The following PLPPR4 variants were observed in gnomAD, a reference collection of about 807,000 sequenced individuals.
PLPPR4 encodes phospholipid phosphatase-related protein type 4.
A neutral mutation model predicts 56.6 loss-of-function variants in PLPPR4; 24 were observed. The ratio of observed to expected loss-of-function variants is 0.42; its 90% CI spans 0.31 to 0.60. The LOEUF is 0.60. Ranked by LOEUF, PLPPR4 falls within the 20% of genes least tolerant of loss-of-function variation. The pLI is 0.13. For missense variants in PLPPR4, 654 were observed against 885.8 expected (o/e 0.74, Z 3.32); for synonymous variants, 326 against 328.1 (o/e 0.99, Z 0.07).
intron 1 of PLPPR4, among the ~76,000 whole-genome samples, chr1:99,272,667 G>T (rs981956679): frequency 1.3e-5 from 2 of 152,082 alleles, no homozygotes; most frequent in African/African-American, 2.4e-5. Context: ...TTGCCTAAGT[G>T]CCCACCTGTA....
At chr1:99,283,637 C>A (rs561110213) in intron 1 of PLPPR4, among the ~76,000 whole-genome samples, 1 of 152,230 alleles carries the variant, frequency 6.6e-6, no homozygotes, top group South Asian at 2.1e-4. Flanking sequence ...AATTTCCCTC[C>A]GCTCTATTGC....
chr1:99,299,940 T>G (rs941585753), intron 4 of PLPPR4, among the ~76,000 whole-genome samples: 1 of 152,050 alleles, frequency 6.6e-6, no homozygotes. Flanking sequence ...GGCCAATCAA[T>G]TATTGAAAGA....
chr1:99,283,175 G>A (rs1659373363), intron 1 of PLPPR4, among the ~76,000 whole-genome samples: 1 of 151,962 alleles, frequency 6.6e-6, no homozygotes, highest in African/African-American at 2.4e-5. Flanking sequence ...CCAATACCAT[G>A]CATATAAATT....
chr1:99,280,351 C>A (rs766743785), intron 1 of PLPPR4, among the ~76,000 whole-genome samples: 5 of 152,060 alleles, frequency 3.3e-5, no homozygotes, highest in Non-Finnish European at 7.4e-5. Context: ...TTGAATATAG[C>A]GATCTTTTAA....
intron 4 of PLPPR4, among the ~76,000 whole-genome samples, chr1:99,299,573 T>A (rs750843941): frequency 6.6e-6 from 1 of 152,100 alleles, no homozygotes; most frequent in Non-Finnish European, 1.5e-5. Context: ...GCAGTCAATA[T>A]AACTCTTGTA....
At chr1:99,294,943 A>G (rs1031522089) in intron 2 of PLPPR4, among the ~76,000 whole-genome samples, 3 of 152,196 alleles carry the variant, frequency 2.0e-5, no homozygotes, top group African/African-American at 7.2e-5. Context: ...CATTTCAAGA[A>G]TAAGTGGTTA....
chr1:99,274,128 T>C (rs1018083410), intron 1 of PLPPR4, among the ~76,000 whole-genome samples: 24 of 152,242 alleles, frequency 1.6e-4, no homozygotes, highest in South Asian at 1.0e-3. Flanking sequence ...AACAATTTTC[T>C]GTGCCTATGG....
At chr1:99,269,799 G>T (rs1241483811) in intron 1 of PLPPR4, among the ~76,000 whole-genome samples, 1 of 152,028 alleles carries the variant, frequency 6.6e-6, no homozygotes, top group Admixed American at 6.6e-5. Flanking sequence ...GTTTGAAATT[G>T]CCTGTTATTC....
chr1:99,306,782 C>A lies in PLPPR4; in HGVS notation c.1920C>A (p.Ser640Arg). Reference sequence around the variant, plus strand: ...TTGGTTCTGGAGATCGCAAGAGAAGCAACATTGATAGCAATGAGCATCACC... The same window carrying A: ...TTGGTTCTGGAGATCGCAAGAGAAGAAACATTGATAGCAATGAGCATCACC... ...DSFGSGDRKR[S>R]NIDSNEHHHH... The change falls in exon 7 of 7, where the codon AGC (serine) becomes AGA (arginine). Residue 640 changes from serine to arginine, a missense_variant. Coordinates refer to ENST00000370185, the MANE Select transcript of PLPPR4 (RefSeq NM_014839.5). The surrounding 1 kb of genome is among the most constrained non-coding windows in gnomAD (Gnocchi z 4.0). 6.2e-7 allele frequency: 1 copy of A among 1,614,004 alleles called. No homozygotes were observed. The highest frequency in any genetic ancestry group is 1.3e-5 in the African/African-American group (1 of 75,026).
At chr1:99,264,438 C>T, upstream of PLPPR4, 1 of 1,472,010 alleles carries the variant, frequency 6.8e-7, no homozygotes, top group East Asian at 2.5e-5. Flanking sequence ...GGGGAGAAGG[C>T]GGGGGCGCTG....
intron 3 of PLPPR4, among the ~76,000 whole-genome samples, chr1:99,298,117 G>C (rs1314266412): frequency 2.6e-5 from 4 of 152,116 alleles, no homozygotes; most frequent in African/African-American, 9.7e-5. Context: ...ATGTAAAACA[G>C]GGTAATGTGC....
In PLPPR4 at chr1:99,307,165, G is replaced by A; in HGVS notation, c.*155G>A. ...TTTCAGAACTGCTATACTCAAACTT[G>A]CAGATCTCACATCAAGGAGAGGGAA... On this transcript the variant is annotated 3_prime_UTR_variant, in exon 7 of 7. Coordinates refer to ENST00000370185, the MANE Select transcript of PLPPR4 (RefSeq NM_014839.5). 2 of 840,124 alleles carry A rather than the reference G, an allele frequency of 2.4e-6. No individual in the cohort carries two copies. Among genetic ancestry groups the A allele is most frequent in the Non-Finnish European group, 3.7e-6 (2 of 545,164 alleles). The allele number at this position is 840,124 out of a possible 1,614,324, so 52.0% of individuals were successfully genotyped here.
intron 3 of PLPPR4, chr1:99,298,725 T>C (rs1659808087): frequency 7.1e-6 from 4 of 560,822 alleles, no homozygotes; most frequent in African/African-American, 1.9e-5. Flanking sequence ...ATGTCGTCGC[T>C]CTCAAATAAT....
chr1:99,275,993 A>C (rs1659176407), intron 1 of PLPPR4, among the ~76,000 whole-genome samples: 1 of 152,180 alleles, frequency 6.6e-6, no homozygotes, highest in African/African-American at 2.4e-5. Flanking sequence ...ACACAATCCT[A>C]CTTACTTTAA....
intron 1 of PLPPR4, among the ~76,000 whole-genome samples, chr1:99,267,813 C>T (rs1168661353): frequency 1.3e-5 from 2 of 152,148 alleles, no homozygotes; most frequent in African/African-American, 4.8e-5. Flanking sequence ...TATTAATTGA[C>T]ACAAATGGGG....
rs768983527 is a variant in PLPPR4, at chr1:99,305,849, C to T, written c.987C>T (p.Asn329=). The T allele has an allele frequency of 6.2e-7, 1 of 1,614,064 alleles. No homozygotes were observed. The highest frequency in any genetic ancestry group is 1.1e-5 in the South Asian group (1 of 91,070). ...TTGCTCATACAGAAGGCATCCTCAA[C>T]CGAAACCACAGAGATGCTAGCTCTC... The part of the protein sequence containing the change: ...DGIAHTEGIL[N]RNHRDASSLT... Residue 329 remains asparagine, a synonymous_variant, in exon 7 of 7, where the codon AAC becomes AAT. Transcript: ENST00000370185.
intron 1 of PLPPR4, among the ~76,000 whole-genome samples, chr1:99,284,254 T>C (rs1659410188): frequency 1.3e-5 from 2 of 152,194 alleles, no homozygotes; most frequent in Admixed American, 6.5e-5. Flanking sequence ...GACAATTATG[T>C]TAGAAATAAA....
intron 6 of PLPPR4, among the ~76,000 whole-genome samples, chr1:99,304,506 T>A (rs993301503): frequency 6.6e-6 from 1 of 152,196 alleles, no homozygotes; most frequent in African/African-American, 2.4e-5. Flanking sequence ...TTCCCCAACT[T>A]ACAAATTTAA....
In PLPPR4 at chr1:99,305,567, A is replaced by T. The variant is rs558116863; in HGVS notation, c.823-118A>T. On this transcript the variant is annotated intron_variant, in intron 6 of 6. Coordinates refer to ENST00000370185, the MANE Select transcript of PLPPR4 (RefSeq NM_014839.5). ...ATAGTTTTCATGTTTCATTATTTGT[A>T]CTAGTCAATGGTGTATAGGAAGCAT... 13 of 892,918 alleles carry T rather than the reference A, an allele frequency of 1.5e-5. No individual in the cohort carries two copies. The East Asian group carries it at 3.2e-4, about 22-fold the overall frequency. 55.3% of individuals were successfully genotyped at this position (892,918 alleles called of 1,614,324 possible).
Sources: allele counts gnomAD v4.1 joint callset (sites outside exome capture counted in the v4.1 genomes callset), GRCh38; gene constraint gnomAD v4.1.1; non-coding constraint Gnocchi (gnomAD v3.1); transcripts MANE v1.5; gene names NCBI Gene and HGNC (gene_info 2026-07-23, HGNC 2026-07-21).